The following CEP164 variants were observed in gnomAD, a reference collection of about 807,000 sequenced individuals.
CEP164 encodes centrosomal protein 164, also known as centrosomal protein of 164 kDa.
In CEP164, 162 loss-of-function variants were observed where a neutral mutation model predicts 182.7. The ratio of observed to expected loss-of-function variants is 0.89; its 90% confidence interval spans 0.78 to 1.01. The LOEUF (loss-of-function observed/expected upper bound fraction) is 1.01. Ranked by LOEUF, CEP164 falls within the 50% of genes least tolerant of loss-of-function variation. The pLI, the probability that CEP164 is intolerant of heterozygous loss-of-function variation, is 0.00. For missense variants in CEP164, 1,735 were observed against 1,790.4 expected, an observed-to-expected ratio of 0.97 and a Z score of 0.56; for synonymous variants, 661 against 690.0, an observed-to-expected ratio of 0.96 and a Z score of 0.66.
At chr11:117,392,714 CCA>C in intron 19 of CEP164, 87 bp downstream of exon 19, 1 of 1,533,486 alleles carries the variant, frequency 6.5e-7, no homozygotes, top group Non-Finnish European at 8.8e-7. Flanking sequence ...TCAGCGGCCT[CCA>C]GTTTGCTTTG....
chr11:117,384,483 T>C (rs538618794), intron 14 of CEP164: 115 of 152,292 alleles, frequency 7.6e-4, no homozygotes, highest in African/African-American at 2.6e-3. Flanking sequence ...GAGAGGAAGA[T>C]TGGGCAGAGG....
At chr11:117,338,422 T>C in intron 2 of CEP164, 144 bp from the exon 3 acceptor site, 1 of 627,008 alleles carries the variant, frequency 1.6e-6, no homozygotes, top group Non-Finnish European at 2.8e-6. Flanking sequence ...CACCCTCCAC[T>C]ATACCTGGCG....
chr11:117,343,366 TTCATTACAGCACGTG>T lies in CEP164; in HGVS notation c.83-796_83-782del, dbSNP rs559536415. ...GCTCCCATAGCATACAGGACATGTCTTCATTACAGCACGTGTCACCTGGGTTGTACTCTAATTGTG... is the reference window on the plus strand; with the variant it reads ...GCTCCCATAGCATACAGGACATGTCTTCACCTGGGTTGTACTCTAATTGTG... On this transcript the variant is annotated intron_variant, in intron 3 of 32. Transcript: ENST00000278935. Among the ~76,000 whole-genome samples, 123 of 152,334 alleles carry T rather than the reference TTCATTACAGCACGTG, an allele frequency of 8.1e-4. 1 individual carries two copies. Among genetic ancestry groups the T allele is most frequent in the Non-Finnish European group, 1.6e-3 (112 of 68,024 alleles).
At chr11:117,402,562 T>A (rs2046268422) in intron 27 of CEP164, among the ~76,000 whole-genome samples, 1 of 152,208 alleles carries the variant, frequency 6.6e-6, no homozygotes, top group Non-Finnish European at 1.5e-5. Flanking sequence ...GATTGCACTG[T>A]GGTCTGAGAG....
chr11:117,351,259 G>A lies in CEP164; in HGVS notation c.195-531G>A, dbSNP rs147000622. On this transcript the variant is annotated intron_variant, in intron 4 of 32. Coordinates refer to ENST00000278935, the MANE Select transcript of CEP164 (RefSeq NM_014956.5). ...TTGGTCAGGCTGGCCTTGAACTCCC[G>A]ACCTCGGCCTCCCAAAGTGCTGGGA... 7.3e-3 allele frequency among the ~76,000 whole-genome samples: 1,113 copies of A among 152,142 alleles called. 24 individuals carry two copies. The highest frequency in any genetic ancestry group is 0.024 in the African/African-American group (992 of 41,498).
chr11:117,384,503 T>C (rs2043717418), intron 14 of CEP164: 2 of 152,280 alleles, frequency 1.3e-5, no homozygotes, highest in African/African-American at 4.8e-5. Flanking sequence ...GTCAGAGGGA[T>C]GTCTTCCCAG....
At chr11:117,381,630 G>C (rs2043324659) in intron 12 of CEP164, 71 bp from the exon 13 acceptor site, 1 of 1,514,568 alleles carries the variant, frequency 6.6e-7, no homozygotes, top group Non-Finnish European at 8.9e-7. Context: ...TCCACACACT[G>C]TACTCCCCAG....
intron 1 of CEP164, among the ~76,000 whole-genome samples, chr11:117,329,699 T>C (rs898244120): frequency 2.0e-5 from 3 of 151,996 alleles, no homozygotes; most frequent in Non-Finnish European, 2.9e-5. Flanking sequence ...GCACCACAAC[T>C]CCTGGCTAAT....
At chr11:117,392,934 A>AGGT in intron 19 of CEP164, 70 bp from the exon 20 acceptor site, 1 of 1,599,778 alleles carries the variant, frequency 6.3e-7, no homozygotes, top group Non-Finnish European at 8.5e-7. Context: ...TAAGACCTTC[A>AGGT]GGTGCAGCAG....
chr11:117,380,043 C>CT (rs1489861887), intron 11 of CEP164, among the ~76,000 whole-genome samples: 22 of 151,898 alleles, frequency 1.4e-4, no homozygotes, highest in Admixed American at 1.4e-3. Flanking sequence ...CGAAGGAGCA[C>CT]TTTGTCTTCC....
chr11:117,409,854 C>A lies in CEP164; in HGVS notation c.3985C>A (p.Pro1329Thr). Residue 1329 changes from proline (P) to threonine (T), a missense_variant, in exon 30 of 33, where the codon CCC (proline) becomes ACC (threonine). Physicochemically the swap from Pro to Thr is conservative, Grantham distance 38 (BLOSUM62 -1). Transcript: ENST00000278935. This position sits in a 1 kb window ranked among gnomAD's most constrained non-coding sequence, Gnocchi z 4.4. ...GTTCTCAGCCTTATCATCTGCTACA[C>A]CCACGTCCACCCAATGGGCCTGGGA... is the stretch of plus-strand genomic sequence containing the variant. ...ARFSALSSAT[P>T]TSTQWAWDSG... 1.2e-6 allele frequency: 2 copies of A among 1,603,284 alleles called. No homozygotes were observed. Among genetic ancestry groups the A allele is most frequent in the Non-Finnish European group, 1.7e-6 (2 of 1,173,912 alleles).
chr11:117,333,022 A>T (rs1221386788), intron 1 of CEP164, among the ~76,000 whole-genome samples: 1 of 151,704 alleles, frequency 6.6e-6, no homozygotes, highest in Admixed American at 6.6e-5. Flanking sequence ...TCATTTATTG[A>T]TTTATTTTAG....
chr11:117,335,064 C>G (rs1565406082), intron 1 of CEP164, among the ~76,000 whole-genome samples: 1 of 152,186 alleles, frequency 6.6e-6, no homozygotes, highest in Non-Finnish European at 1.5e-5. Flanking sequence ...TCTCCTCTCC[C>G]TAAGAGGATT....
Position 117,392,520 on chromosome 11 carries a change from A to G in CEP164, c.2386A>G (p.Ile796Val), listed in dbSNP as rs201026482. The change falls in exon 19 of 33, where the codon ATA becomes GTA. Residue 796 changes from isoleucine to valine, a missense_variant. Coordinates refer to ENST00000278935, the MANE Select transcript of CEP164 (RefSeq NM_014956.5). ...REVVSSLQKKIQEAQQKEEAQ... is the reference protein window; with the variant it reads ...REVVSSLQKKVQEAQQKEEAQ... Reference sequence around the variant, plus strand: ...GGTGGTCTCCAGCCTCCAGAAGAAGATACAGGAAGCTCAACAGAAAGAGGA... The same window carrying G: ...GGTGGTCTCCAGCCTCCAGAAGAAGGTACAGGAAGCTCAACAGAAAGAGGA... The G allele has an allele frequency of 6.2e-7, 1 of 1,614,124 alleles. No individual in the cohort carries two copies. The highest frequency in any genetic ancestry group is 1.7e-5 in the Admixed American group (1 of 60,026).
chr11:117,382,784 A>T lies in CEP164; in HGVS notation c.1578-12A>T. 1 of 1,613,074 alleles carries T rather than the reference A, an allele frequency of 6.2e-7. No individual in the cohort carries two copies. The highest frequency in any genetic ancestry group is 1.1e-5 in the South Asian group (1 of 91,018). On this transcript the variant is annotated splice_polypyrimidine_tract_variant and intron_variant, in intron 13 of 32. Transcript: ENST00000278935. Reference sequence around the variant, plus strand: ...CTGGCTTTAACACAGTTGTTTCCTTACTGCTATCAAGGGAGCAGGCCCCAA... The same window carrying T: ...CTGGCTTTAACACAGTTGTTTCCTTTCTGCTATCAAGGGAGCAGGCCCCAA...
At position 117,330,510 on chromosome 11, in the gene CEP164, G is replaced by A. The variant is rs185411141; in HGVS notation, c.-98+2606G>A. ...CTAAAAATACAAAAATTAGCCGGGCGTGGTGGCAGGCGCCTGTAATCCTAG... is the reference window on the plus strand; with the variant it reads ...CTAAAAATACAAAAATTAGCCGGGCATGGTGGCAGGCGCCTGTAATCCTAG... On this transcript the variant is annotated intron_variant, in intron 1 of 32. Transcript: ENST00000278935. Among the ~76,000 whole-genome samples, 23 of 152,304 alleles carry A rather than the reference G, an allele frequency of 1.5e-4. No individual in the cohort carries two copies. In the East Asian group the frequency reaches 1.5e-3, roughly 10 times the overall value.
At chr11:117,357,053 T>C (rs1373291282) in intron 5 of CEP164, among the ~76,000 whole-genome samples, 1 of 152,246 alleles carries the variant, frequency 6.6e-6, no homozygotes, top group Non-Finnish European at 1.5e-5. Context: ...CTGAACTTTA[T>C]TTCTTCTCGA....
At chr11:117,401,060 G>A (rs1205336740) in intron 27 of CEP164, among the ~76,000 whole-genome samples, 1 of 152,154 alleles carries the variant, frequency 6.6e-6, no homozygotes, top group Non-Finnish European at 1.5e-5. Flanking sequence ...TCCTTGTCTT[G>A]TGCCGGTTTT....
chr11:117,334,345 GC>G lies in CEP164; in HGVS notation c.-97-1257del, dbSNP rs1479991249. On this transcript the variant is annotated intron_variant, in intron 1 of 32. Coordinates refer to ENST00000278935, the MANE Select transcript of CEP164 (RefSeq NM_014956.5). ...TCATTGGCCTTTTGGACCTGTCCTT[GC>G]CCACATCTTTTCTAGAGCCTGATAA... Among the ~76,000 whole-genome samples, 3 of 152,008 alleles carry G rather than the reference GC, an allele frequency of 2.0e-5. No individual in the cohort carries two copies. In the East Asian group the frequency reaches 5.8e-4, roughly 29 times the overall value.
Sources: allele counts gnomAD v4.1 joint callset (sites outside exome capture counted in the v4.1 genomes callset), GRCh38; gene constraint gnomAD v4.1.1; non-coding constraint Gnocchi (gnomAD v3.1); transcripts MANE v1.5; gene names NCBI Gene and HGNC (gene_info 2026-07-23, HGNC 2026-07-21).